The following ARFIP1 variants were observed in gnomAD, a reference collection of about 807,000 sequenced individuals.
ARFIP1 encodes the protein ARF interacting protein 1.
ARFIP1 carries 24 observed loss-of-function variants against 42.5 expected under a neutral mutation model. The observed-to-expected ratio is 0.57, with a 90% CI of 0.41 to 0.80. ARFIP1 has a LOEUF of 0.80. Among genes scored for constraint, ARFIP1 ranks in the 30% least tolerant of loss-of-function variants. The pLI, the probability that ARFIP1 is intolerant of heterozygous loss-of-function variation, is 0.00. For synonymous variants in ARFIP1, 141 were observed against 153.7 expected, an observed-to-expected ratio of 0.92 and a Z score of 0.61; for missense variants, 354 against 434.0, an observed-to-expected ratio of 0.82 and a Z score of 1.64.
intron 7 of ARFIP1, among the ~76,000 whole-genome samples, chr4:152,885,566 T>G (rs1380467594): frequency 6.6e-6 from 1 of 151,982 alleles, no homozygotes; most frequent in East Asian, 1.9e-4. Flanking sequence ...CTTAGTGAGC[T>G]TCTCTTCTTG....
chr4:152,896,338 GAGAA>G (rs1239269976), intron 8 of ARFIP1, among the ~76,000 whole-genome samples: 2 of 152,092 alleles, frequency 1.3e-5, no homozygotes, highest in East Asian at 3.9e-4. Flanking sequence ...TTCTACAGAT[GAGAA>G]AGAACTCAAT....
At chr4:152,882,436 C>T (rs1310697864) in intron 6 of ARFIP1, among the ~76,000 whole-genome samples, 1 of 152,002 alleles carries the variant, frequency 6.6e-6, no homozygotes, top group Non-Finnish European at 1.5e-5. Flanking sequence ...ATAATAGAAA[C>T]AAAATGTAGA....
intron 1 of ARFIP1, among the ~76,000 whole-genome samples, chr4:152,812,796 G>A (rs1000598125): frequency 1.3e-5 from 2 of 152,122 alleles, no homozygotes; most frequent in Non-Finnish European, 2.9e-5. Flanking sequence ...ATAAATTGGA[G>A]GACAGTGAGA....
intron 1 of ARFIP1, chr4:152,796,357 T>G: frequency 1.4e-6 from 1 of 727,074 alleles, no homozygotes; most frequent in Middle Eastern, 2.5e-4. Flanking sequence ...TAGGTGGTTT[T>G]CTTGTAAAGA....
intron 1 of ARFIP1, among the ~76,000 whole-genome samples, chr4:152,826,941 T>C (rs1056298167): frequency 2.6e-5 from 4 of 152,126 alleles, no homozygotes; most frequent in African/African-American, 7.2e-5. Flanking sequence ...AAAAGATAAA[T>C]ACTGTACAAT....
chr4:152,818,991 A>G (rs1158893229), intron 1 of ARFIP1, among the ~76,000 whole-genome samples: 3 of 152,156 alleles, frequency 2.0e-5, no homozygotes, highest in East Asian at 3.9e-4. Context: ...AGCCAGAGAA[A>G]GGACTTGCCT....
At position 152,796,118 on chromosome 4, in the gene ARFIP1, T is replaced by C. The variant is rs114622034; in HGVS notation, c.-10+15892T>C. 2.2e-3 allele frequency: 1,666 copies of C among 749,204 alleles called. 17 individuals carry two copies. In the African/African-American group the frequency reaches 0.025, roughly 11 times the overall value. The allele number at this position is 749,204 out of a possible 1,614,324, so 46.4% of individuals were successfully genotyped here. A position where few individuals can be genotyped will look rare whatever the true frequency, so the allele number is the denominator to read the frequency against. On this transcript the variant is annotated intron_variant, in intron 1 of 8. Coordinates refer to ENST00000353617, the MANE Select transcript of ARFIP1 (RefSeq NM_001025595.3). The stretch of plus-strand genomic sequence containing the variant: ...ATCATTTTCAGGATTGTTGATAACC[T>C]GGGCATATTTCCCCAAATAACTTTG...
chr4:152,821,126 G>GT (rs1314304643), intron 1 of ARFIP1, among the ~76,000 whole-genome samples: 1 of 152,166 alleles, frequency 6.6e-6, no homozygotes, highest in Non-Finnish European at 1.5e-5. Context: ...TTCTCCAGCA[G>GT]TGGATCCAAA....
intron 1 of ARFIP1, among the ~76,000 whole-genome samples, chr4:152,826,207 T>C (rs113489331): frequency 2.4e-4 from 36 of 152,242 alleles, no homozygotes; most frequent in African/African-American, 7.2e-4. Context: ...TGCAAAGATA[T>C]GGAATCAACC....
chr4:152,878,892 G>A (rs990846256), intron 5 of ARFIP1, among the ~76,000 whole-genome samples: 8 of 152,144 alleles, frequency 5.3e-5, no homozygotes, highest in African/African-American at 1.7e-4. Flanking sequence ...TAGAGTAAAT[G>A]TCTCTGATAA....
chr4:152,804,143 C>CACGTATTATATATTATATATAATATAAG (rs1728694730), intron 1 of ARFIP1, among the ~76,000 whole-genome samples: 1 of 47,704 alleles, frequency 2.1e-5, no homozygotes, highest in Non-Finnish European at 3.9e-5. Flanking sequence ...TATAATATAA[C>CACGTATTATATATTATATATAATATAAG]ATGTATTATA....
intron 2 of ARFIP1, among the ~76,000 whole-genome samples, chr4:152,834,970 A>G (rs894930999): frequency 2.5e-4 from 38 of 152,196 alleles, no homozygotes; most frequent in African/African-American, 4.6e-4. Flanking sequence ...CAGTGTCCCA[A>G]GGTTGCACAG....
intron 1 of ARFIP1, among the ~76,000 whole-genome samples, chr4:152,817,327 G>A (rs1056912819): frequency 3.3e-5 from 5 of 152,106 alleles, no homozygotes; most frequent in Non-Finnish European, 5.9e-5. Context: ...AAGGAAAATA[G>A]GTATTTCAAA....
At position 152,910,964 on chromosome 4, in the gene ARFIP1, C is replaced by T. The variant is rs1738804275; in HGVS notation, c.*745C>T. The T allele has an allele frequency of 1.3e-5, 2 of 151,972 alleles. No individual in the cohort carries two copies. The highest frequency in any genetic ancestry group is 4.2e-4 in the South Asian group (2 of 4,802). The allele number at this position is 151,972 out of a possible 1,614,324, so 9.4% of individuals were successfully genotyped here. ...TGCTTAAGAGAATTTTTTTTTTTGA[C>T]AGGTGGACGTGGGAATGGAAATTCT... On this transcript the variant is annotated 3_prime_UTR_variant, in exon 9 of 9. Coordinates refer to ENST00000353617, the MANE Select transcript of ARFIP1 (RefSeq NM_001025595.3).
At chr4:152,809,993 T>C (rs1729321487) in intron 1 of ARFIP1, 1 of 152,214 alleles carries the variant, frequency 6.6e-6, no homozygotes, top group African/African-American at 2.4e-5. Context: ...GATTTGATTG[T>C]TGCTTTGTAA....
chr4:152,848,673 C>T (rs1315254286), intron 2 of ARFIP1, among the ~76,000 whole-genome samples: 3 of 152,146 alleles, frequency 2.0e-5, no homozygotes, highest in African/African-American at 7.2e-5. Flanking sequence ...TTATTTATCT[C>T]CTTTTCCCAA....
chr4:152,864,404 T>C (rs1734147228), intron 3 of ARFIP1, among the ~76,000 whole-genome samples: 1 of 152,254 alleles, frequency 6.6e-6, no homozygotes, highest in African/African-American at 2.4e-5. Context: ...TTTATTGTAA[T>C]GAGAGTAGCA....
Position 152,863,722 on chromosome 4 carries a change from C to G in ARFIP1, c.202+8C>G, listed in dbSNP as rs1008893153. On this transcript the variant is annotated splice_region_variant and intron_variant, in intron 3 of 8. Transcript: ENST00000353617. Reference sequence around the variant, plus strand: ...AAGCAGGAGCATTTCAAGGTAAGAGCCCATATATTTGTAAAGATGGCTGGG... The same window carrying G: ...AAGCAGGAGCATTTCAAGGTAAGAGGCCATATATTTGTAAAGATGGCTGGG... 6.4e-7 allele frequency: 1 copy of G among 1,554,922 alleles called. No individual in the cohort carries two copies. Among genetic ancestry groups the G allele is most frequent in the African/African-American group, 1.4e-5 (1 of 73,398 alleles).
intron 1 of ARFIP1, among the ~76,000 whole-genome samples, chr4:152,803,443 A>G (rs1028416102): frequency 6.6e-6 from 1 of 152,108 alleles, no homozygotes; most frequent in Admixed American, 6.6e-5. Context: ...GCATTGTACA[A>G]TGTTTTCCAG....
Sources: gnomAD v4.1 joint callset for allele counts (sites outside exome capture counted in the v4.1 genomes callset) on GRCh38, gnomAD v4.1.1 for gene constraint, MANE v1.5 for transcripts, NCBI Gene and HGNC (gene_info 2026-07-23, HGNC 2026-07-21) for gene names.